The following GALNT11 variants were observed in gnomAD, a reference collection of about 807,000 sequenced individuals.
The protein encoded by GALNT11 is UDP-GalNAc:polypeptide N-acetylgalactosaminyltransferase 11.
GALNT11 carries 47 observed loss-of-function variants against 72.7 expected under a neutral mutation model. That is an observed-to-expected ratio of 0.65 (90% confidence interval 0.51 to 0.82). The LOEUF is 0.82. Among genes scored for constraint, GALNT11 ranks in the 40% least tolerant of loss-of-function variants. The pLI is 0.00. For missense variants in GALNT11, 677 were observed against 778.4 expected (o/e 0.87, Z 1.55); for synonymous variants, 270 against 286.6 (o/e 0.94, Z 0.58).
At chr7:152,064,595 T>C (rs1399986203) in intron 1 of GALNT11, among the ~76,000 whole-genome samples, 1 of 152,216 alleles carries the variant, frequency 6.6e-6, no homozygotes, top group African/African-American at 2.4e-5. Flanking sequence ...CTGGTACCGG[T>C]TGTTCCTCTC....
At chr7:152,067,313 G>A (rs2084366233) in intron 1 of GALNT11, among the ~76,000 whole-genome samples, 1 of 152,142 alleles carries the variant, frequency 6.6e-6, no homozygotes, top group African/African-American at 2.4e-5. Flanking sequence ...TTGTACTGTA[G>A]TCCTTTGGAA....
At chr7:152,034,752 C>T (rs1033429869) in intron 1 of GALNT11, among the ~76,000 whole-genome samples, 1 of 152,186 alleles carries the variant, frequency 6.6e-6, no homozygotes, top group Admixed American at 6.5e-5. Flanking sequence ...AATAGTTGCA[C>T]TCACTGACGC....
At chr7:152,082,977 A>G (rs2085406639) in intron 1 of GALNT11, among the ~76,000 whole-genome samples, 2 of 152,070 alleles carry the variant, frequency 1.3e-5, no homozygotes, top group Admixed American at 6.6e-5. Context: ...TTGGTCCTTT[A>G]TTTTTAGAAT....
intron 1 of GALNT11, among the ~76,000 whole-genome samples, chr7:152,045,338 T>C (rs1409050110): frequency 6.6e-6 from 1 of 152,208 alleles, no homozygotes; most frequent in Non-Finnish European, 1.5e-5. Flanking sequence ...CCTTTGTTTT[T>C]CTGGAATAGT....
intron 5 of GALNT11, 121 bp from the exon 6 acceptor site, chr7:152,107,916 TG>T (rs1587419949): frequency 1.7e-6 from 2 of 1,198,686 alleles, no homozygotes; most frequent in East Asian, 4.8e-5. Flanking sequence ...TTAGGCCGTC[TG>T]GGGCTGGGAG....
intron 1 of GALNT11, among the ~76,000 whole-genome samples, chr7:152,065,081 C>T (rs545828813): frequency 5.3e-5 from 8 of 152,244 alleles, no homozygotes; most frequent in Non-Finnish European, 1.0e-4. Flanking sequence ...CCGTCACTTT[C>T]AGGCACACCA....
chr7:152,102,922 G>A lies in GALNT11; in HGVS notation c.420-190G>A, dbSNP rs114002335. Among the ~76,000 whole-genome samples, 95 of 147,166 alleles carry A rather than the reference G, an allele frequency of 6.5e-4. 1 individual carries two copies. Among genetic ancestry groups the A allele is most frequent in the African/African-American group, 2.0e-3 (80 of 39,840 alleles). On this transcript the variant is annotated intron_variant, in intron 3 of 11. Coordinates refer to ENST00000430044, the MANE Select transcript of GALNT11 (RefSeq NM_022087.4). ...CTTGAACCTGGGAGGCGGAGGTCAC[G>A]ATGAGCCGAGATAGCGCCACTGCAC...
At chr7:152,090,317 T>C (rs2085929318) in intron 1 of GALNT11, among the ~76,000 whole-genome samples, 1 of 152,210 alleles carries the variant, frequency 6.6e-6, no homozygotes, top group Non-Finnish European at 1.5e-5. Flanking sequence ...TTTATTTTCA[T>C]TTTCTATTAA....
chr7:152,080,365 G>A (rs557595659), intron 1 of GALNT11, among the ~76,000 whole-genome samples: 6 of 152,120 alleles, frequency 3.9e-5, no homozygotes, highest in African/African-American at 1.4e-4. Flanking sequence ...AAGTTAGGGA[G>A]TTTCTGTCTA....
rs71541739 is a variant in GALNT11 at position 152,112,402 on chromosome 7, G to A, written c.1081-844G>A. ...AAAAATACAAAAAAATTAGCTGGGCGTGGTGGCGGGTGCCTGTAATCCCTG... is the reference window on the plus strand; with the variant it reads ...AAAAATACAAAAAAATTAGCTGGGCATGGTGGCGGGTGCCTGTAATCCCTG... On this transcript the variant is annotated intron_variant, in intron 7 of 11. Coordinates refer to ENST00000430044, the MANE Select transcript of GALNT11 (RefSeq NM_022087.4). Among the ~76,000 whole-genome samples the A allele has an allele frequency of 4.7e-3, 719 of 152,136 alleles. 1 individual carries two copies. Among genetic ancestry groups the A allele is most frequent in the South Asian group, 8.9e-3 (43 of 4,814 alleles).
chr7:152,051,817 A>G (rs2152033058), intron 1 of GALNT11, among the ~76,000 whole-genome samples: 1 of 152,382 alleles, frequency 6.6e-6, no homozygotes, highest in Middle Eastern at 3.4e-3. Context: ...ATCAAGCAGT[A>G]AGTGTCTGTT....
intron 1 of GALNT11, among the ~76,000 whole-genome samples, chr7:152,065,532 T>C (rs1474713308): frequency 2.0e-5 from 3 of 152,214 alleles, no homozygotes; most frequent in African/African-American, 7.2e-5. Context: ...ATTTTTAGAA[T>C]TTTCAGCTTT....
rs186725490 is a variant in GALNT11, at chr7:152,042,628, T to C, written c.-39+16744T>C. Among the ~76,000 whole-genome samples, 270 of 152,308 alleles carry C rather than the reference T, an allele frequency of 1.8e-3. 2 individuals are homozygous for C. The highest frequency in any genetic ancestry group is 6.3e-3 in the African/African-American group (260 of 41,550). ...CCACTTGAAGCGGTTCCTTCAAACC[T>C]TGCAAATTTTTTCCTGTTCCCATGC... On this transcript the variant is annotated intron_variant, in intron 1 of 11. Coordinates refer to ENST00000430044, the MANE Select transcript of GALNT11 (RefSeq NM_022087.4).
intron 1 of GALNT11, among the ~76,000 whole-genome samples, chr7:152,029,679 A>G (rs543485284): frequency 1.8e-4 from 27 of 152,350 alleles, no homozygotes; most frequent in Non-Finnish European, 3.5e-4. Context: ...GAGCAAACCA[A>G]TTATTAGGCA....
At chr7:152,030,222 G>C (rs954424761) in intron 1 of GALNT11, among the ~76,000 whole-genome samples, 2 of 152,118 alleles carry the variant, frequency 1.3e-5, no homozygotes, top group Non-Finnish European at 1.5e-5. Flanking sequence ...GCTAAGTAGC[G>C]GGTGTTTTTC....
At position 152,117,296 on chromosome 7, in the gene GALNT11, C is replaced by A. The variant is rs911822445; in HGVS notation, c.1373C>A (p.Ser458Tyr). ...LDNVYPEMQI[S>Y]GSHAKPQQPI... The stretch of plus-strand genomic sequence containing the variant: ...AATGTATACCCAGAGATGCAGATAT[C>A]TGGGTCCCACGCCAAACCCCAACAA... The change falls in exon 9 of 12, where the codon TCT (serine) becomes TAT (tyrosine). Residue 458 changes from serine (S) to tyrosine (Y), a missense_variant. By Grantham distance (144) the Ser-to-Tyr change is moderately radical (BLOSUM62 -2). Coordinates refer to ENST00000430044, the MANE Select transcript of GALNT11 (RefSeq NM_022087.4). 1.2e-6 allele frequency: 2 copies of A among 1,614,154 alleles called. No homozygotes were observed. Among genetic ancestry groups the A allele is most frequent in the Non-Finnish European group, 1.7e-6 (2 of 1,180,026 alleles).
At chr7:152,075,439 T>TG (rs2084899888) in intron 1 of GALNT11, among the ~76,000 whole-genome samples, 1 of 152,246 alleles carries the variant, frequency 6.6e-6, no homozygotes, top group African/African-American at 2.4e-5. Context: ...TAACCTTTCT[T>TG]ATGTATCACC....
In GALNT11 at chr7:152,105,099, ACT is replaced by A. The variant is rs1317970623; in HGVS notation, c.587-143_587-142del. ...TTCTTCCTACAGGATAAGCTACAAT[ACT>A]CTTTTAAAGTAAAATATTCTGTAGT... is the stretch of plus-strand genomic sequence containing the variant. On this transcript the variant is annotated intron_variant, in intron 4 of 11. Coordinates refer to ENST00000430044, the MANE Select transcript of GALNT11 (RefSeq NM_022087.4). The A allele has an allele frequency of 8.6e-6, 7 of 814,408 alleles. No homozygotes were observed. In the African/African-American group the frequency reaches 1.1e-4, roughly 12 times the overall value. The allele number at this position is 814,408 out of a possible 1,614,324, so 50.4% of individuals were successfully genotyped here. A position where few individuals can be genotyped will look rare whatever the true frequency, so the allele number is the denominator to read the frequency against.
At chr7:152,032,824 C>T (rs983177583) in intron 1 of GALNT11, among the ~76,000 whole-genome samples, 2 of 152,188 alleles carry the variant, frequency 1.3e-5, no homozygotes, top group African/African-American at 4.8e-5. Context: ...ACATATCCCT[C>T]CCTAATAAGG....
Sources: gnomAD v4.1 joint callset for allele counts (sites outside exome capture counted in the v4.1 genomes callset) on GRCh38, gnomAD v4.1.1 for gene constraint, MANE v1.5 for transcripts, NCBI Gene and HGNC (gene_info 2026-07-23, HGNC 2026-07-21) for gene names.